The following STK35 variants were observed in gnomAD, a reference collection of about 807,000 sequenced individuals.
STK35 encodes serine/threonine-protein kinase 35.
A neutral mutation model predicts 37.3 loss-of-function variants in STK35; 17 were observed. The observed-to-expected ratio is 0.46, with a 90% CI of 0.31 to 0.68. STK35 has a LOEUF of 0.68. STK35 is among the 30% of genes least tolerant of loss of function. The pLI is 0.05. For missense variants in STK35, 595 were observed against 746.7 expected (o/e 0.80, Z 2.37); for synonymous variants, 385 against 319.1 (o/e 1.21, Z -2.20).
At chr20:2,142,322 T>C (rs1001746099) in intron 3 of STK35, among the ~76,000 whole-genome samples, 3 of 151,990 alleles carry the variant, frequency 2.0e-5, no homozygotes, top group Non-Finnish European at 4.4e-5. Context: ...TATCCAATAT[T>C]GTCCTATCCT....
Position 2,102,906 on chromosome 20 carries a change from A to G in STK35, c.433A>G (p.Thr145Ala), listed in dbSNP as rs1985429648. The change falls in exon 2 of 4, where the codon ACA (threonine) becomes GCA (alanine). Residue 145 changes from threonine (T) to alanine (A), a missense_variant. By Grantham distance (58) the Thr-to-Ala change is moderately conservative (BLOSUM62 0). Coordinates refer to ENST00000381482, the MANE Select transcript of STK35 (RefSeq NM_080836.4). ...GGGGAAGGACGGCGCCCGCAGAGGTACACAAAGCCCGGAGCGGAAAAGGCG... is the reference window on the plus strand; with the variant it reads ...GGGGAAGGACGGCGCCCGCAGAGGTGCACAAAGCCCGGAGCGGAAAAGGCG... ...ETGKDGARRG[T>A]QSPERKRRSP... 2 of 1,563,266 alleles carry G rather than the reference A, an allele frequency of 1.3e-6. No homozygotes were observed. The highest frequency in any genetic ancestry group is 1.7e-6 in the Non-Finnish European group (2 of 1,163,172).
intron 3 of STK35, among the ~76,000 whole-genome samples, chr20:2,125,084 A>T (rs981013388): frequency 7.2e-5 from 11 of 152,116 alleles, no homozygotes; most frequent in Non-Finnish European, 1.5e-5. Flanking sequence ...TGCTGCTCAC[A>T]TGTTCCTCCT....
chr20:2,126,494 C>G (rs1985909074), intron 3 of STK35, among the ~76,000 whole-genome samples: 2 of 152,118 alleles, frequency 1.3e-5, no homozygotes, highest in Admixed American at 1.3e-4. Flanking sequence ...TTACAGTATT[C>G]TCAGCTACAG....
intron 3 of STK35, among the ~76,000 whole-genome samples, chr20:2,135,551 G>C (rs1171664759): frequency 6.6e-6 from 1 of 152,214 alleles, no homozygotes; most frequent in African/African-American, 2.4e-5. Context: ...GTTGGGTCTA[G>C]AAAGAGGCTT....
Position 2,101,956 on chromosome 20 carries a change from G to A in STK35, c.75G>A (p.Gly25=), listed in dbSNP as rs771649971. 13 of 1,521,322 alleles carry A rather than the reference G, an allele frequency of 8.5e-6. No homozygotes were observed. In the African/African-American group the frequency reaches 1.4e-4, roughly 16 times the overall value. The allele number at this position is 1,521,322 out of a possible 1,614,324, so 94.2% of individuals were successfully genotyped here. A position where few individuals can be genotyped will look rare whatever the true frequency, so the allele number is the denominator to read the frequency against. Residue 25 remains glycine (G), a synonymous_variant, in exon 1 of 4, where the codon GGG becomes GGA. Coordinates refer to ENST00000381482, the MANE Select transcript of STK35 (RefSeq NM_080836.4). The part of the protein sequence containing the change: ...GAAYVKRLCK[G]LSWREHVESH... ...CTTATGTAAAGAGGTTATGTAAAGG[G>A]CTCAGCTGGCGCGAACACGTGGAAA...
intron 3 of STK35, among the ~76,000 whole-genome samples, chr20:2,129,563 A>C (rs1985963783): frequency 6.6e-6 from 1 of 152,032 alleles, no homozygotes; most frequent in African/African-American, 2.4e-5. Context: ...TTTTTGATCA[A>C]CTGTGTGTTG....
At chr20:2,123,008 A>C (rs1422335186) in intron 3 of STK35, among the ~76,000 whole-genome samples, 1 of 152,186 alleles carries the variant, frequency 6.6e-6, no homozygotes, top group East Asian at 1.9e-4. Flanking sequence ...CCAGCTAGCC[A>C]CAGCCTTTTA....
intron 3 of STK35, among the ~76,000 whole-genome samples, chr20:2,141,269 A>G (rs955268720): frequency 2.0e-5 from 3 of 152,222 alleles, no homozygotes; most frequent in Non-Finnish European, 4.4e-5. Flanking sequence ...TCCAAGTCAA[A>G]AACTGGGATA....
rs911407510 is a variant in STK35, at chr20:2,129,219, T to A, written c.*37+11804T>A. 2.6e-5 allele frequency among the ~76,000 whole-genome samples: 4 copies of A among 152,294 alleles called. 1 individual carries two copies. The South Asian group carries it at 8.3e-4, about 32-fold the overall frequency. On this transcript the variant is annotated intron_variant, in intron 3 of 3. Coordinates refer to ENST00000381482, the MANE Select transcript of STK35 (RefSeq NM_080836.4). ...ATTGAGCACCCGCTGTGAGCCAGGTTTGGGCCGTGGAGATGAGAATTCCCA... is the reference window on the plus strand; with the variant it reads ...ATTGAGCACCCGCTGTGAGCCAGGTATGGGCCGTGGAGATGAGAATTCCCA...
At chr20:2,127,256 G>GT (rs567328826) in intron 3 of STK35, among the ~76,000 whole-genome samples, 3,082 of 145,990 alleles carry the variant, frequency 0.021, 43 homozygotes, top group Middle Eastern at 0.039. Flanking sequence ...GCACCCCTTT[G>GT]TTTTTTTTTT....
At position 2,127,309 on chromosome 20, in the gene STK35, G is replaced by T. The variant is rs555254075; in HGVS notation, c.*37+9894G>T. On this transcript the variant is annotated intron_variant, in intron 3 of 3. Coordinates refer to ENST00000381482, the MANE Select transcript of STK35 (RefSeq NM_080836.4). ...TGCTTAAGACAAGCCCTCTCAGAAAGCTAGGCATGCCTAGGGCAAATCTAA... is the reference window on the plus strand; with the variant it reads ...TGCTTAAGACAAGCCCTCTCAGAAATCTAGGCATGCCTAGGGCAAATCTAA... Among the ~76,000 whole-genome samples, 26 of 151,596 alleles carry T rather than the reference G, an allele frequency of 1.7e-4. No homozygotes were observed. In the South Asian group the frequency reaches 3.6e-3, roughly 21 times the overall value.
chr20:2,130,968 T>A (rs1027127518), intron 3 of STK35, among the ~76,000 whole-genome samples: 1 of 152,186 alleles, frequency 6.6e-6, no homozygotes, highest in Non-Finnish European at 1.5e-5. Flanking sequence ...CCTGGGGACC[T>A]AGGTCTTTAT....
At chr20:2,120,536 G>A (rs1237813942) in intron 3 of STK35, among the ~76,000 whole-genome samples, 1 of 152,176 alleles carries the variant, frequency 6.6e-6, no homozygotes, top group Non-Finnish European at 1.5e-5. Context: ...ACCCTGTGTT[G>A]CCAGAAACTT....
intron 2 of STK35, among the ~76,000 whole-genome samples, chr20:2,108,842 T>G (rs1182072058): frequency 2.0e-5 from 3 of 152,216 alleles, no homozygotes; most frequent in Non-Finnish European, 4.4e-5. Flanking sequence ...GTAGAACTTG[T>G]AGTCTGCTCA....
At chr20:2,140,946 C>T (rs1000338156) in intron 3 of STK35, among the ~76,000 whole-genome samples, 2 of 152,234 alleles carry the variant, frequency 1.3e-5, no homozygotes, top group African/African-American at 2.4e-5. Flanking sequence ...CACATGCTAC[C>T]TTCCTGCTGA....
intron 3 of STK35, among the ~76,000 whole-genome samples, chr20:2,121,106 G>A (rs1046039509): frequency 3.2e-4 from 49 of 152,234 alleles, no homozygotes; most frequent in African/African-American, 1.2e-3. Flanking sequence ...GGAAGAGATA[G>A]ATAACTAGGA....
At chr20:2,138,826 C>A (rs1337014202) in intron 3 of STK35, among the ~76,000 whole-genome samples, 1 of 152,134 alleles carries the variant, frequency 6.6e-6, no homozygotes, top group African/African-American at 2.4e-5. Flanking sequence ...GAGTTTGAGA[C>A]CAGCCTGGGC....
chr20:2,105,238 TC>T (rs1270295528), intron 2 of STK35, among the ~76,000 whole-genome samples: 1 of 152,180 alleles, frequency 6.6e-6, no homozygotes, highest in Non-Finnish European at 1.5e-5. Flanking sequence ...TTGAAGTCTT[TC>T]TATTCTCAGA....
chr20:2,104,905 C>A (rs1345874040), intron 2 of STK35, among the ~76,000 whole-genome samples: 1 of 151,996 alleles, frequency 6.6e-6, no homozygotes, highest in Non-Finnish European at 1.5e-5. Context: ...GTAATCCCAG[C>A]ACTTTGGGAG....
Sources: gnomAD v4.1 joint callset for allele counts (sites outside exome capture counted in the v4.1 genomes callset) on GRCh38, gnomAD v4.1.1 for gene constraint, MANE v1.5 for transcripts, NCBI Gene and HGNC (gene_info 2026-07-23, HGNC 2026-07-21) for gene names.